FTCDNL1: variants seen among roughly 807,000 people sequenced by gnomAD.
FTCDNL1 encodes formiminotransferase cyclodeaminase N-terminal like.
Under a neutral mutation model 5.9 loss-of-function variants are expected in FTCDNL1, and 11 were observed. That is an observed-to-expected ratio of 1.87 (90% confidence interval 1.18 to 3.10). The LOEUF (loss-of-function observed/expected upper bound fraction) is 3.10, where lower values mean the gene tolerates loss of function less well. Ranked by LOEUF, FTCDNL1 falls within the 30% of genes most tolerant of loss-of-function variation. FTCDNL1 has a pLI of 0.00. For missense variants in FTCDNL1, 115 were observed against 65.5 expected (o/e 1.76, Z -2.61); for synonymous variants, 58 against 24.8 (o/e 2.34, Z -3.99).
rs1291573040 is a variant in FTCDNL1, at chr2:199,812,736, G to GA, written c.398-13dup. 1.4e-5 allele frequency: 10 copies of GA among 694,702 alleles called. No homozygotes were observed. Among genetic ancestry groups the GA allele is most frequent in the South Asian group, 6.1e-5 (4 of 65,882 alleles). The allele number at this position is 694,702 out of a possible 1,614,324, so 43.0% of individuals were successfully genotyped here. ...CGCCCTGAAGCAAGCTAAAAACAAG[G>GA]AAAAAAATCTTTGGTATGATTTCGT... On this transcript the variant is annotated splice_polypyrimidine_tract_variant and intron_variant, in intron 4 of 4. Transcript: ENST00000420128.
At chr2:199,759,422 C>A (rs1279293903), downstream of FTCDNL1, among the ~76,000 whole-genome samples, 2 of 152,098 alleles carry the variant, frequency 1.3e-5, no homozygotes, top group African/African-American at 4.8e-5. Flanking sequence ...GACCACCTAG[C>A]TGTGTTACCT....
At chr2:199,730,340 T>C in the FTCDNL1 span, among the ~76,000 whole-genome samples, 1 of 152,170 alleles carries the variant, frequency 6.6e-6, no homozygotes, top group East Asian at 1.9e-4. Flanking sequence ...AATTGACCAA[T>C]GAGATCTAAT....
At chr2:199,692,653 C>T in the FTCDNL1 span, among the ~76,000 whole-genome samples, 1 of 152,204 alleles carries the variant, frequency 6.6e-6, no homozygotes, top group African/African-American at 2.4e-5. Context: ...TAAGCACCCT[C>T]CAGCTTGTTT....
chr2:199,727,806 G>T, the FTCDNL1 span, among the ~76,000 whole-genome samples: 1 of 152,122 alleles, frequency 6.6e-6, no homozygotes, highest in South Asian at 2.1e-4. Flanking sequence ...ATAAATAATA[G>T]ATTTTATTGA....
chr2:199,755,224 C>T, the FTCDNL1 span, among the ~76,000 whole-genome samples: 1 of 152,158 alleles, frequency 6.6e-6, no homozygotes, highest in Non-Finnish European at 1.5e-5. Context: ...TGCCTGTATC[C>T]CCTTCATCAC....
the FTCDNL1 span, among the ~76,000 whole-genome samples, chr2:199,687,686 T>C: frequency 6.7e-6 from 1 of 150,040 alleles, no homozygotes; most frequent in South Asian, 2.1e-4. Context: ...CTCTGAGTGA[T>C]TAAAAAAACA....
chr2:199,844,801 T>TA lies in FTCDNL1; in HGVS notation c.211+1273dup, dbSNP rs1317307787. Among the ~76,000 whole-genome samples the TA allele has an allele frequency of 2.6e-5, 4 of 152,350 alleles. No homozygotes were observed. The East Asian group carries it at 7.7e-4, about 29-fold the overall frequency. ...GGTCTTATACTATTTGATTTTTTTT[T>TA]ACAATTGTTTACTTTAAATTTTTTC... On this transcript the variant is annotated intron_variant, in intron 3 of 4. Transcript: ENST00000420128.
the FTCDNL1 span, among the ~76,000 whole-genome samples, chr2:199,718,606 GTTA>G: frequency 6.6e-6 from 1 of 152,036 alleles, no homozygotes; most frequent in Non-Finnish European, 1.5e-5. Flanking sequence ...TTTATTTTTA[GTTA>G]TTTAAGGAAT....
At chr2:199,759,154 T>TATAC (rs1553535121), downstream of FTCDNL1, among the ~76,000 whole-genome samples, 35 of 152,016 alleles carry the variant, frequency 2.3e-4, 1 homozygote, top group African/African-American at 8.2e-4. Flanking sequence ...TATATATATA[T>TATAC]ACACATATGT....
At chr2:199,841,815 G>A (rs1196704274) in intron 3 of FTCDNL1, among the ~76,000 whole-genome samples, 1 of 152,078 alleles carries the variant, frequency 6.6e-6, no homozygotes, top group Non-Finnish European at 1.5e-5. Context: ...TTCCAAACTG[G>A]TCAGCCTGCT....
At chr2:199,742,795 CACT>C in the FTCDNL1 span, among the ~76,000 whole-genome samples, 1 of 152,116 alleles carries the variant, frequency 6.6e-6, no homozygotes, top group African/African-American at 2.4e-5. Context: ...GGAAAAAGTT[CACT>C]ACAATAGAAG....
At position 199,763,496 on chromosome 2, in the gene FTCDNL1, C is replaced by G. The variant is rs187046250; in HGVS notation, c.212-2661G>C. Among the ~76,000 whole-genome samples the G allele has an allele frequency of 2.5e-4, 38 of 152,296 alleles. No homozygotes were observed. The East Asian group carries it at 7.1e-3, about 29-fold the overall frequency. ...GATCTTCATAGAAGAAATAATGAAGCCTTCCTCAGCCTCCTCCCAGCTCCC... is the reference window on the plus strand; with the variant it reads ...GATCTTCATAGAAGAAATAATGAAGGCTTCCTCAGCCTCCTCCCAGCTCCC... On this transcript the variant is annotated intron_variant, in intron 3 of 3. Coordinates refer to the FTCDNL1 transcript ENST00000416668.
chr2:199,674,465 C>T, the FTCDNL1 span, among the ~76,000 whole-genome samples: 3 of 152,136 alleles, frequency 2.0e-5, no homozygotes, highest in African/African-American at 2.4e-5. Flanking sequence ...TCCTGGATTA[C>T]CCAGCACACT....
In FTCDNL1 at chr2:199,811,466, T is replaced by C. The variant is rs1701031377; in HGVS notation, c.*1239A>G. Among the ~76,000 whole-genome samples, 1 of 152,242 alleles carries C rather than the reference T, an allele frequency of 6.6e-6. No homozygotes were observed. On this transcript the variant is annotated 3_prime_UTR_variant, in exon 5 of 5. Transcript: ENST00000420128. ...CACACTCAGGTTTTGCTGAAGAGTA[T>C]ATAACACTGGGGGTTACATCAGCAT... is the stretch of plus-strand genomic sequence containing the variant.
chr2:199,676,965 T>A, the FTCDNL1 span, among the ~76,000 whole-genome samples: 17,069 of 152,174 alleles, frequency 0.11, 1,304 homozygotes, highest in Middle Eastern at 0.24. Flanking sequence ...GCTAAAGAGT[T>A]CAATATCTTC....
chr2:199,760,985 C>A, intron 3 of FTCDNL1: 1 of 664,142 alleles, frequency 1.5e-6, no homozygotes, highest in Non-Finnish European at 2.8e-6. Context: ...TTCACGTTCT[C>A]TGGGTTCTGG....
At chr2:199,689,715 G>T in the FTCDNL1 span, among the ~76,000 whole-genome samples, 1 of 151,162 alleles carries the variant, frequency 6.6e-6, no homozygotes, top group Non-Finnish European at 1.5e-5. Context: ...GGAGGCTGAG[G>T]CAGGAGAATC....
the FTCDNL1 span, among the ~76,000 whole-genome samples, chr2:199,720,734 A>C: frequency 6.6e-6 from 1 of 152,034 alleles, no homozygotes; most frequent in Non-Finnish European, 1.5e-5. Flanking sequence ...ACTTAATTAC[A>C]TCTGCAAAGA....
At chr2:199,738,537 T>C in the FTCDNL1 span, among the ~76,000 whole-genome samples, 2 of 152,136 alleles carry the variant, frequency 1.3e-5, no homozygotes, top group African/African-American at 2.4e-5. Context: ...GCTTTTTTTT[T>C]CCCCCTTGCA....
Sources: gnomAD v4.1 joint callset for allele counts (sites outside exome capture counted in the v4.1 genomes callset) on GRCh38, gnomAD v4.1.1 for gene constraint, MANE v1.5 for transcripts, NCBI Gene and HGNC (gene_info 2026-07-23, HGNC 2026-07-21) for gene names.